The following SCAI variants were observed in gnomAD, a reference collection of about 807,000 sequenced individuals.
The protein encoded by SCAI is suppressor of cancer cell invasion, also known as protein SCAI.
A neutral mutation model predicts 92.2 loss-of-function variants in SCAI; 24 were observed. The ratio of observed to expected loss-of-function variants is 0.26; its 90% CI spans 0.19 to 0.37. The LOEUF (loss-of-function observed/expected upper bound fraction) is 0.37. Among genes scored for constraint, SCAI ranks in the 10% least tolerant of loss-of-function variants. The pLI is 1.00. For missense variants in SCAI, 450 were observed against 736.2 expected (o/e 0.61, Z 4.50); for synonymous variants, 261 against 258.6 (o/e 1.01, Z -0.09).
At chr9:125,061,262 A>C (rs1466522866) in intron 2 of SCAI, among the ~76,000 whole-genome samples, 4 of 151,738 alleles carry the variant, frequency 2.6e-5, no homozygotes, top group Admixed American at 2.0e-4. Context: ...GCGCGACTGC[A>C]CTCCAGCCTG....
intron 9 of SCAI, among the ~76,000 whole-genome samples, chr9:125,006,207 T>C (rs1315729432): frequency 2.6e-5 from 4 of 152,074 alleles, no homozygotes; most frequent in South Asian, 4.1e-4. Flanking sequence ...AACAGGATGA[T>C]ACAAACATCA....
intron 2 of SCAI, among the ~76,000 whole-genome samples, chr9:125,106,945 G>A (rs1834814805): frequency 6.7e-6 from 1 of 150,082 alleles, no homozygotes; most frequent in Non-Finnish European, 1.5e-5. Context: ...GAACTCCTGG[G>A]CTCAAATGAT....
chr9:125,053,622 A>AG (rs1833606886), intron 3 of SCAI, among the ~76,000 whole-genome samples: 1 of 152,210 alleles, frequency 6.6e-6, no homozygotes, highest in Non-Finnish European at 1.5e-5. Context: ...AAATCCATAG[A>AG]GAAAAAAATT....
chr9:125,079,313 TTA>T (rs1274277650), intron 2 of SCAI, among the ~76,000 whole-genome samples: 1 of 152,192 alleles, frequency 6.6e-6, no homozygotes, highest in Non-Finnish European at 1.5e-5. Flanking sequence ...AAGCTAATAA[TTA>T]TATATCTTTG....
At chr9:125,097,757 T>G (rs1201597157) in intron 2 of SCAI, among the ~76,000 whole-genome samples, 6 of 151,680 alleles carry the variant, frequency 4.0e-5, no homozygotes, top group African/African-American at 1.2e-4. Flanking sequence ...TCTGGATATT[T>G]CAGAAGGATA....
Position 125,056,020 on chromosome 9 carries a change from A to T in SCAI, c.99-13T>A. On this transcript the variant is annotated splice_polypyrimidine_tract_variant and intron_variant, in intron 2 of 17. Transcript: ENST00000336505. ...AGCAAATTCAGTCCTGTAAGAAAAC[A>T]TATGTTCATTCATGCAGGAGGTAAA... is the stretch of plus-strand genomic sequence containing the variant. The T allele has an allele frequency of 1.9e-6, 3 of 1,584,610 alleles. No individual in the cohort carries two copies. Among genetic ancestry groups the T allele is most frequent in the Non-Finnish European group, 2.6e-6 (3 of 1,165,716 alleles).
intron 14 of SCAI, among the ~76,000 whole-genome samples, chr9:124,980,684 T>A (rs763248417): frequency 1.2e-4 from 19 of 152,190 alleles, no homozygotes; most frequent in Non-Finnish European, 2.4e-4. Flanking sequence ...ATTAAGTGTA[T>A]CCTGTGTGAC....
At chr9:125,023,258 A>C (rs2131077800) in intron 6 of SCAI, among the ~76,000 whole-genome samples, 1 of 152,228 alleles carries the variant, frequency 6.6e-6, no homozygotes, top group South Asian at 2.1e-4. Flanking sequence ...TATGTCACCC[A>C]AACCAATTGC....
chr9:124,981,501 T>C (rs868098428), intron 14 of SCAI, among the ~76,000 whole-genome samples: 15 of 152,220 alleles, frequency 9.9e-5, no homozygotes, highest in African/African-American at 3.4e-4. Context: ...TTTCTCTAAG[T>C]ACAACGTTGG....
chr9:125,079,584 T>G (rs1007842905), intron 2 of SCAI, among the ~76,000 whole-genome samples: 3 of 144,198 alleles, frequency 2.1e-5, no homozygotes, highest in South Asian at 4.2e-4. Context: ...AAATGCCTGG[T>G]TTTTTTTTAA....
At chr9:125,015,735 G>A (rs890843007) in intron 9 of SCAI, among the ~76,000 whole-genome samples, 1 of 152,084 alleles carries the variant, frequency 6.6e-6, no homozygotes, top group Non-Finnish European at 1.5e-5. Flanking sequence ...GCACACGTAT[G>A]TCTACTGCAG....
intron 3 of SCAI, among the ~76,000 whole-genome samples, chr9:125,042,813 A>G (rs1186714534): frequency 6.7e-6 from 1 of 149,352 alleles, no homozygotes; most frequent in Non-Finnish European, 1.5e-5. Flanking sequence ...TTTGTACGCA[A>G]GTAAAGTTGT....
chr9:125,102,849 C>T (rs1344410321), intron 2 of SCAI, among the ~76,000 whole-genome samples: 3 of 152,176 alleles, frequency 2.0e-5, no homozygotes, highest in East Asian at 1.9e-4. Flanking sequence ...CCACCCACCC[C>T]GGCCTCCCAA....
chr9:125,142,525 G>A (rs1409682760), intron 2 of SCAI, 108 bp downstream of exon 2: 4 of 791,258 alleles, frequency 5.1e-6, no homozygotes, highest in Non-Finnish European at 8.4e-6. Flanking sequence ...TTAAAAGGGG[G>A]ATAAATAAGA....
At chr9:124,958,486 T>C (rs972355208) in intron 17 of SCAI, among the ~76,000 whole-genome samples, 2 of 152,200 alleles carry the variant, frequency 1.3e-5, no homozygotes, top group Non-Finnish European at 2.9e-5. Context: ...TTTCAACATA[T>C]GGTACTAGGA....
chr9:124,974,280 C>CAA, intron 15 of SCAI: 6 of 375,312 alleles, frequency 1.6e-5, no homozygotes, highest in South Asian at 6.0e-5. Flanking sequence ...CCAGTCCCTA[C>CAA]AAAAAAAAAA....
intron 2 of SCAI, among the ~76,000 whole-genome samples, chr9:125,114,983 G>A (rs1292307605): frequency 6.6e-6 from 1 of 151,964 alleles, no homozygotes; most frequent in Non-Finnish European, 1.5e-5. Flanking sequence ...ATGATGGCCA[G>A]GCTGGTCTCG....
chr9:125,063,402 A>G (rs1564398366), intron 2 of SCAI, among the ~76,000 whole-genome samples: 1 of 151,480 alleles, frequency 6.6e-6, no homozygotes, highest in Admixed American at 6.6e-5. Flanking sequence ...AAAAAAAAAG[A>G]ATGAATATAG....
intron 2 of SCAI, among the ~76,000 whole-genome samples, chr9:125,092,298 AAAAT>A (rs1031503341): frequency 9.2e-5 from 14 of 151,796 alleles, no homozygotes; most frequent in Middle Eastern, 3.2e-3. Flanking sequence ...TCTCTACTAA[AAAAT>A]AAATAAATAA....
Sources: allele counts gnomAD v4.1 joint callset (sites outside exome capture counted in the v4.1 genomes callset), GRCh38; gene constraint gnomAD v4.1.1; transcripts MANE v1.5; gene names NCBI Gene and HGNC (gene_info 2026-07-23, HGNC 2026-07-21).